The following CDIN1 variants were observed in gnomAD, a reference collection of about 807,000 sequenced individuals.
The protein encoded by CDIN1 is CDAN1 interacting nuclease 1, also known as CDAN1-interacting nuclease 1.
Under a neutral mutation model 45.3 loss-of-function variants are expected in CDIN1, and 33 were observed. The ratio of observed to expected loss-of-function variants is 0.73; its 90% confidence interval spans 0.55 to 0.97. The LOEUF is 0.97. Among genes scored for constraint, CDIN1 ranks in the 50% least tolerant of loss-of-function variants. The pLI is 0.00. For synonymous variants in CDIN1, 118 were observed against 124.4 expected (o/e 0.95, Z 0.34); for missense variants, 303 against 339.4 (o/e 0.89, Z 0.84).
intron 3 of CDIN1, among the ~76,000 whole-genome samples, chr15:36,652,478 T>G (rs952802446): frequency 6.6e-6 from 1 of 152,172 alleles, no homozygotes; most frequent in African/African-American, 2.4e-5. Context: ...ACTGAACTGA[T>G]TGCTGGTTCC....
intron 1 of CDIN1, among the ~76,000 whole-genome samples, chr15:36,602,922 A>G (rs1438612461): frequency 3.9e-5 from 6 of 151,904 alleles, no homozygotes; most frequent in Non-Finnish European, 8.8e-5. Context: ...CGGGAGGCAG[A>G]GCTTGCAGTG....
chr15:36,771,608 T>A (rs1267975677), intron 10 of CDIN1, among the ~76,000 whole-genome samples: 2 of 152,116 alleles, frequency 1.3e-5, no homozygotes, highest in African/African-American at 4.8e-5. Flanking sequence ...GCATCTGGCT[T>A]CAGCCTTCTA....
chr15:36,801,923 A>AACTT (rs1167385148), intron 10 of CDIN1, among the ~76,000 whole-genome samples: 2 of 152,306 alleles, frequency 1.3e-5, no homozygotes, highest in South Asian at 2.1e-4. Flanking sequence ...ATTGACATCA[A>AACTT]ACTTAGAGTT....
At chr15:36,760,199 A>G (rs939625904) in intron 10 of CDIN1, among the ~76,000 whole-genome samples, 5 of 152,314 alleles carry the variant, frequency 3.3e-5, no homozygotes, top group South Asian at 4.1e-4. Flanking sequence ...GGAGGTCAAC[A>G]TAAATAGCAC....
intron 10 of CDIN1, among the ~76,000 whole-genome samples, chr15:36,733,811 G>A (rs762661855): frequency 4.6e-5 from 7 of 152,096 alleles, no homozygotes; most frequent in Non-Finnish European, 8.8e-5. Flanking sequence ...GTTCAGCAAA[G>A]GATAAAGAAG....
chr15:36,685,624 C>T (rs1288348964), intron 5 of CDIN1, among the ~76,000 whole-genome samples: 3 of 152,074 alleles, frequency 2.0e-5, no homozygotes, highest in Non-Finnish European at 1.5e-5. Context: ...GAACAGGCAA[C>T]CTACAAAATG....
intron 10 of CDIN1, chr15:36,747,024 C>G (rs2044470488): frequency 2.5e-6 from 1 of 398,014 alleles, no homozygotes; most frequent in Non-Finnish European, 4.4e-6. Flanking sequence ...GCTGGAATTA[C>G]AGGAGCGAGG....
At position 36,772,899 on chromosome 15, in the gene CDIN1, C is replaced by T. The variant is rs567465991; in HGVS notation, c.717-35425C>T. ...AGAGAGGAAAGAAAAACCTGTATAA[C>T]GCAAATAGATTCTGTTGCAAGAAAC... On this transcript the variant is annotated intron_variant, in intron 10 of 10. Transcript: ENST00000566621. Among the ~76,000 whole-genome samples the T allele has an allele frequency of 1.8e-3, 273 of 152,164 alleles. 2 individuals are homozygous for T. Among genetic ancestry groups the T allele is most frequent in the African/African-American group, 6.2e-3 (259 of 41,508 alleles).
chr15:36,691,389 C>T (rs2042246701), intron 5 of CDIN1: 3 of 303,278 alleles, frequency 9.9e-6, no homozygotes, highest in African/African-American at 2.2e-5. Context: ...TTTTTTACCC[C>T]AAATGGGCTT....
intron 10 of CDIN1, among the ~76,000 whole-genome samples, chr15:36,739,898 A>G (rs767442983): frequency 4.2e-4 from 64 of 152,240 alleles, no homozygotes; most frequent in Admixed American, 9.8e-4. Context: ...TGAAATATAC[A>G]AAGTTTTATT....
chr15:36,592,001 A>G (rs2037597751), intron 1 of CDIN1: 1 of 152,232 alleles, frequency 6.6e-6, no homozygotes, highest in Non-Finnish European at 1.5e-5. Context: ...ACTTTATGCC[A>G]GCCATCCAGT....
At chr15:36,611,111 CTTA>C (rs1382445067) in intron 1 of CDIN1, among the ~76,000 whole-genome samples, 11 of 152,158 alleles carry the variant, frequency 7.2e-5, no homozygotes, top group African/African-American at 2.2e-4. Context: ...TTTGAAAGAA[CTTA>C]TTATAACAGG....
At chr15:36,665,396 T>C (rs577132823) in intron 5 of CDIN1, among the ~76,000 whole-genome samples, 173 of 152,216 alleles carry the variant, frequency 1.1e-3, no homozygotes, top group Non-Finnish European at 2.1e-3. Context: ...AAAAATAATC[T>C]ACCTTGGCTA....
At chr15:36,795,864 G>C (rs1190849396) in intron 10 of CDIN1, among the ~76,000 whole-genome samples, 6 of 151,990 alleles carry the variant, frequency 3.9e-5, no homozygotes, top group Admixed American at 3.9e-4. Flanking sequence ...CTCTGCACCT[G>C]AACTAGCTCT....
chr15:36,680,281 T>A (rs1328244250), intron 5 of CDIN1, among the ~76,000 whole-genome samples: 1 of 152,236 alleles, frequency 6.6e-6, no homozygotes, highest in African/African-American at 2.4e-5. Context: ...TTCTGTTGTT[T>A]GGGAGTCCAA....
chr15:36,660,426 A>C (rs28550035), intron 5 of CDIN1, among the ~76,000 whole-genome samples: 14,046 of 152,140 alleles, frequency 0.092, 744 homozygotes, highest in Middle Eastern at 0.12. Flanking sequence ...TGTATTTACT[A>C]TTACTTTCAT....
chr15:36,605,142 A>G (rs561455693), intron 1 of CDIN1, among the ~76,000 whole-genome samples: 6 of 152,140 alleles, frequency 3.9e-5, no homozygotes, highest in Admixed American at 3.3e-4. Flanking sequence ...TTTCTTTTAA[A>G]TATCTATATT....
chr15:36,677,830 T>G (rs2041703300), intron 5 of CDIN1, among the ~76,000 whole-genome samples: 1 of 152,102 alleles, frequency 6.6e-6, no homozygotes, highest in African/African-American at 2.4e-5. Flanking sequence ...GTTGTGTGTG[T>G]GAGTGTGGAG....
chr15:36,705,357 T>A, intron 8 of CDIN1: 1 of 152,168 alleles, frequency 6.6e-6, no homozygotes, highest in South Asian at 2.1e-4. Context: ...CATTTCAAGA[T>A]CTTCCAAGAT....
Sources: gnomAD v4.1 joint callset for allele counts (sites outside exome capture counted in the v4.1 genomes callset) on GRCh38, gnomAD v4.1.1 for gene constraint, MANE v1.5 for transcripts, NCBI Gene and HGNC (gene_info 2026-07-23, HGNC 2026-07-21) for gene names.